The following PDE4D variants were observed in gnomAD, a reference collection of about 807,000 sequenced individuals.
PDE4D encodes the protein 3',5'-cyclic-AMP phosphodiesterase 4D.
Under a neutral mutation model 87.4 loss-of-function variants are expected in PDE4D, and 24 were observed. The ratio of observed to expected loss-of-function variants is 0.27; its 90% CI spans 0.20 to 0.39. The LOEUF (loss-of-function observed/expected upper bound fraction) is 0.39, where lower values mean the gene tolerates loss of function less well. PDE4D is among the 10% of genes least tolerant of loss of function. PDE4D has a pLI of 1.00. For synonymous variants in PDE4D, 384 were observed against 383.2 expected (o/e 1.00, Z -0.02); for missense variants, 714 against 1,041.0 (o/e 0.69, Z 4.32).
intron 1 of PDE4D, among the ~76,000 whole-genome samples, chr5:60,338,587 G>A (rs747798848): frequency 9.9e-5 from 15 of 152,054 alleles, no homozygotes; most frequent in Non-Finnish European, 1.8e-4. Flanking sequence ...CCATACACAC[G>A]ACATGTCCAT....
At chr5:59,200,721 A>G (rs575764431) in intron 2 of PDE4D, among the ~76,000 whole-genome samples, 2 of 138,374 alleles carry the variant, frequency 1.4e-5, no homozygotes, top group East Asian at 4.1e-4. Flanking sequence ...GTATACATAC[A>G]TATGTGTATG....
chr5:59,885,041 T>C lies in PDE4D; in HGVS notation c.455+8127A>G, dbSNP rs538792251. Among the ~76,000 whole-genome samples, 5 of 152,112 alleles carry C rather than the reference T, an allele frequency of 3.3e-5. No homozygotes were observed. In the South Asian group the frequency reaches 1.0e-3, roughly 32 times the overall value. On this transcript the variant is annotated intron_variant, in intron 1 of 14. Coordinates refer to ENST00000340635, the MANE Select transcript of PDE4D (RefSeq NM_001104631.2). ...TATGAATGAAGTAATGATCATTTTTTATTTCCATAAACCATTAAACAATTT... is the reference window on the plus strand; with the variant it reads ...TATGAATGAAGTAATGATCATTTTTCATTTCCATAAACCATTAAACAATTT...
chr5:59,120,831 C>G lies in PDE4D; in HGVS notation c.808+59764G>C, dbSNP rs181530726. On this transcript the variant is annotated intron_variant, in intron 5 of 14. Transcript: ENST00000340635. ...ATGGTATAAAAACAGACACATAGACCAATGGAATAATACAGAGAGCCTGGA... is the reference window on the plus strand; with the variant it reads ...ATGGTATAAAAACAGACACATAGACGAATGGAATAATACAGAGAGCCTGGA... Among the ~76,000 whole-genome samples the G allele has an allele frequency of 3.3e-5, 5 of 152,090 alleles. No individual in the cohort carries two copies. The East Asian group carries it at 9.7e-4, about 29-fold the overall frequency.
chr5:59,402,446 C>T (rs74401827), intron 1 of PDE4D, among the ~76,000 whole-genome samples: 4,727 of 152,210 alleles, frequency 0.031, 115 homozygotes, highest in Non-Finnish European at 0.044. Context: ...TGTCTCCTCT[C>T]CCGAACGGTC....
At chr5:59,671,661 A>G (rs1747223520) in intron 1 of PDE4D, among the ~76,000 whole-genome samples, 1 of 151,848 alleles carries the variant, frequency 6.6e-6, no homozygotes, top group African/African-American at 2.4e-5. Context: ...TACAAAAATG[A>G]GACAGGTGTG....
At position 60,118,504 on chromosome 5, in the gene PDE4D, G is replaced by A. The variant is rs73759018; in HGVS notation, c.42+67053C>T. The stretch of plus-strand genomic sequence containing the variant: ...CAGGCACTATATATGGCAGATATAC[G>A]TCACAGTTTTTGACCTCTGCATGGA... On this transcript the variant is annotated intron_variant, in intron 2 of 16. Coordinates refer to the PDE4D transcript ENST00000502484. 2.6e-3 allele frequency among the ~76,000 whole-genome samples: 401 copies of A among 151,626 alleles called. 2 individuals carry two copies. The highest frequency in any genetic ancestry group is 0.01 in the Middle Eastern group (3 of 294).
intron 2 of PDE4D, among the ~76,000 whole-genome samples, chr5:60,074,827 CCT>C (rs1162603212): frequency 2.0e-5 from 3 of 151,988 alleles, no homozygotes; most frequent in African/African-American, 4.8e-5. Context: ...GATTGCAACC[CCT>C]GTTTTTTTCT....
chr5:59,857,295 C>A (rs1165398535), intron 1 of PDE4D, among the ~76,000 whole-genome samples: 1 of 152,152 alleles, frequency 6.6e-6, no homozygotes, highest in African/African-American at 2.4e-5. Context: ...ATTGTTATCA[C>A]TTTTGTTGTA....
chr5:59,309,369 G>A (rs1772102038), intron 1 of PDE4D, among the ~76,000 whole-genome samples: 2 of 152,194 alleles, frequency 1.3e-5, no homozygotes, highest in Admixed American at 1.3e-4. Flanking sequence ...CTGCCCTCTG[G>A]ATGGATCCCT....
chr5:59,059,521 G>A (rs1762830506), intron 5 of PDE4D, among the ~76,000 whole-genome samples: 1 of 152,174 alleles, frequency 6.6e-6, no homozygotes, highest in African/African-American at 2.4e-5. Flanking sequence ...GAGGATATGA[G>A]TTGGTAAGAA....
intron 1 of PDE4D, among the ~76,000 whole-genome samples, chr5:59,394,711 CT>C (rs1380987911): frequency 2.0e-5 from 3 of 152,140 alleles, no homozygotes; most frequent in African/African-American, 7.2e-5. Flanking sequence ...CTTTATGAAT[CT>C]TTACAACAGG....
chr5:60,157,828 A>G (rs147191237), intron 2 of PDE4D, among the ~76,000 whole-genome samples: 293 of 152,262 alleles, frequency 1.9e-3, no homozygotes, highest in African/African-American at 6.7e-3. Context: ...ATTTAAATAC[A>G]AACAGAAAAT....
intron 1 of PDE4D, among the ~76,000 whole-genome samples, chr5:60,378,531 A>C (rs1326533348): frequency 6.6e-6 from 1 of 152,104 alleles, no homozygotes; most frequent in East Asian, 1.9e-4. Context: ...CCTTGACACA[A>C]AATAGAAACA....
intron 1 of PDE4D, among the ~76,000 whole-genome samples, chr5:59,554,233 T>C (rs1818548506): frequency 6.6e-6 from 1 of 152,204 alleles, no homozygotes; most frequent in Admixed American, 6.5e-5. Context: ...AAAATAATGA[T>C]TAACTTTTTA....
At chr5:59,097,675 G>A (rs1162415991) in intron 5 of PDE4D, among the ~76,000 whole-genome samples, 2 of 152,124 alleles carry the variant, frequency 1.3e-5, no homozygotes, top group Non-Finnish European at 2.9e-5. Context: ...GAGCACTAAC[G>A]TGTTCCTTTT....
intron 1 of PDE4D, among the ~76,000 whole-genome samples, chr5:59,240,790 A>C (rs1211817471): frequency 1.5e-5 from 1 of 64,818 alleles, no homozygotes; most frequent in Admixed American, 1.6e-4. Flanking sequence ...ACACACACAC[A>C]CACACACACA....
At chr5:59,977,787 A>G (rs1761493415) in intron 3 of PDE4D, among the ~76,000 whole-genome samples, 1 of 152,198 alleles carries the variant, frequency 6.6e-6, no homozygotes, top group Non-Finnish European at 1.5e-5. Flanking sequence ...CAAAGCTTCA[A>G]AGGAAAATCT....
Position 59,935,468 on chromosome 5 carries a change from G to C in PDE4D, c.272+53020C>G, listed in dbSNP as rs571618294. On this transcript the variant is annotated intron_variant, in intron 3 of 16. Coordinates refer to the PDE4D transcript ENST00000502484. ...GGTAAAAAATAAAGACATTGTGAAT[G>C]ATTTAGGAATACACAACATACAGAG... is the stretch of plus-strand genomic sequence containing the variant. Among the ~76,000 whole-genome samples, 11 of 152,202 alleles carry C rather than the reference G, an allele frequency of 7.2e-5. No individual in the cohort carries two copies. The South Asian group carries it at 2.3e-3, about 32-fold the overall frequency.
chr5:59,912,798 T>C (rs1343561479), intron 3 of PDE4D, among the ~76,000 whole-genome samples: 1 of 152,222 alleles, frequency 6.6e-6, no homozygotes, highest in African/African-American at 2.4e-5. Context: ...CTACCCTCTG[T>C]ATTTAATGTA....
Sources: allele counts gnomAD v4.1 joint callset (sites outside exome capture counted in the v4.1 genomes callset), GRCh38; gene constraint gnomAD v4.1.1; transcripts MANE v1.5; gene names NCBI Gene and HGNC (gene_info 2026-07-23, HGNC 2026-07-21).